Variants in SRCIN1 observed in about 807,000 individuals in gnomAD.
The protein encoded by SRCIN1 is P130Cas-associated protein.
SRCIN1 carries 50 observed loss-of-function variants against 116.2 expected under a neutral mutation model. That is an observed-to-expected ratio of 0.43 (90% confidence interval 0.34 to 0.54). SRCIN1 has a LOEUF of 0.54. SRCIN1 is among the 20% of genes least tolerant of loss of function. The pLI is 0.02. For synonymous variants in SRCIN1, 736 were observed against 750.0 expected, an observed-to-expected ratio of 0.98 and a Z score of 0.30; for missense variants, 1,446 against 1,672.0, an observed-to-expected ratio of 0.86 and a Z score of 2.36.
At position 38,544,118 on chromosome 17, in the gene SRCIN1, TC is replaced by T; in HGVS notation, c.3271-150del. ...ACCCCTCTCTAGCTCCACACCCGAG[TC>T]CAGAACCCAGGTCCACCCTCTCAGT... is the stretch of plus-strand genomic sequence containing the variant. On this transcript the variant is annotated intron_variant, in intron 17 of 18. Transcript: ENST00000617146. The surrounding 1 kb of genome is among the most constrained non-coding windows in gnomAD (Gnocchi z 4.5). 1.0e-6 allele frequency: 1 copy of T among 980,120 alleles called. No homozygotes were observed. Among genetic ancestry groups the T allele is most frequent in the Non-Finnish European group, 1.5e-6 (1 of 688,532 alleles). The allele number at this position is 980,120 out of a possible 1,614,324, so 60.7% of individuals were successfully genotyped here. A position where few individuals can be genotyped will look rare whatever the true frequency, so the allele number is the denominator to read the frequency against.
chr17:38,605,556 C>A, intron 1 of SRCIN1, 128 bp downstream of exon 1: 1 of 608,570 alleles, frequency 1.6e-6, no homozygotes, highest in Non-Finnish European at 2.5e-6. Flanking sequence ...CTCGCCCCGC[C>A]GGCCACCGCC....
At chr17:38,601,997 G>C (rs1402327708) in intron 1 of SRCIN1, among the ~76,000 whole-genome samples, 1 of 152,110 alleles carries the variant, frequency 6.6e-6, no homozygotes. Context: ...ATGGGAAGAC[G>C]GAAAGGCACA....
chr17:38,568,358 A>G lies in SRCIN1; in HGVS notation c.325-127T>C, dbSNP rs1906855338. 2 of 879,156 alleles carry G rather than the reference A, an allele frequency of 2.3e-6. No homozygotes were observed. Among genetic ancestry groups the G allele is most frequent in the Non-Finnish European group, 3.7e-6 (2 of 539,434 alleles). The allele number at this position is 879,156 out of a possible 1,614,324, so 54.5% of individuals were successfully genotyped here. A position where few individuals can be genotyped will look rare whatever the true frequency, so the allele number is the denominator to read the frequency against. ...TAGGACAAGGGCCCTCCACCCTCCC[A>G]GGAGCAGGAATGAAGTCATGCCTGG... On this transcript the variant is annotated intron_variant, in intron 2 of 18. Transcript: ENST00000617146. The surrounding 1 kb of genome is among the most constrained non-coding windows in gnomAD (Gnocchi z 4.5).
intron 1 of SRCIN1, among the ~76,000 whole-genome samples, chr17:38,596,344 C>T (rs957163167): frequency 6.6e-6 from 1 of 152,082 alleles, no homozygotes; most frequent in Non-Finnish European, 1.5e-5. Flanking sequence ...CCAGGGCAGA[C>T]AGGATAGAGA....
intron 1 of SRCIN1, among the ~76,000 whole-genome samples, chr17:38,579,013 G>A (rs1441757681): frequency 1.3e-5 from 2 of 152,214 alleles, no homozygotes; most frequent in Non-Finnish European, 2.9e-5. Context: ...GAGGGGTGAG[G>A]AACAAGGGCT....
rs1181784221 is a variant in SRCIN1 at position 38,551,257 on chromosome 17, C to T, written c.2860G>A (p.Ala954Thr). 2.5e-6 allele frequency: 4 copies of T among 1,613,192 alleles called. No homozygotes were observed. Among genetic ancestry groups the T allele is most frequent in the South Asian group, 2.2e-5 (2 of 91,068 alleles). Residue 954 changes from alanine to threonine, a missense_variant, in exon 15 of 19, where the codon GCC becomes ACC. By Grantham distance (58) the Ala-to-Thr change is moderately conservative. Transcript: ENST00000617146. ...GGAGTGGGGGCCGGGCCTGGATGGGCCTTGCTGGCACAGTCCAGGTCAGGG... is the reference window on the plus strand; with the variant it reads ...GGAGTGGGGGCCGGGCCTGGATGGGTCTTGCTGGCACAGTCCAGGTCAGGG... ...AIPDLDCASKAHPGPAPTPDH... is the reference protein window; with the variant it reads ...AIPDLDCASKTHPGPAPTPDH...
At chr17:38,542,741 G>T in intron 18 of SRCIN1, 1 of 211,306 alleles carries the variant, frequency 4.7e-6, no homozygotes, top group Admixed American at 4.9e-5. Context: ...CCTAGGTCCC[G>T]ATCCTGGCTG....
chr17:38,574,822 C>A, intron 2 of SRCIN1: 1 of 400,552 alleles, frequency 2.5e-6, no homozygotes, highest in Non-Finnish European at 4.4e-6. Flanking sequence ...AAATCCTCCC[C>A]AAAGCCAAAC....
At chr17:38,570,872 T>C (rs1425453810) in intron 2 of SRCIN1, among the ~76,000 whole-genome samples, 1 of 152,238 alleles carries the variant, frequency 6.6e-6, no homozygotes, top group African/African-American at 2.4e-5. Flanking sequence ...GAAGAGGGGC[T>C]GCGCTTGTGC....
At chr17:38,576,602 G>A (rs996746626) in intron 2 of SRCIN1, among the ~76,000 whole-genome samples, 1 of 152,014 alleles carries the variant, frequency 6.6e-6, no homozygotes, top group Non-Finnish European at 1.5e-5. Context: ...CCTGAGTGGT[G>A]CATATGGTGC....
Position 38,604,501 on chromosome 17 carries a change from G to C in SRCIN1, c.22+1183C>G. ...CACCTGGCTCCCCTCGGCCCCCAGG[G>C]TCCCTCGGTCCAGCCTCCTCCCTGG... On this transcript the variant is annotated intron_variant, in intron 1 of 18. Transcript: ENST00000617146. The surrounding 1 kb of genome is among the most constrained non-coding windows in gnomAD (Gnocchi z 4.3). 1 of 454,416 alleles carries C rather than the reference G, an allele frequency of 2.2e-6. No individual in the cohort carries two copies. Among genetic ancestry groups the C allele is most frequent in the Non-Finnish European group, 4.4e-6 (1 of 226,054 alleles). The allele number at this position is 454,416 out of a possible 1,614,324, so 28.1% of individuals were successfully genotyped here.
chr17:38,543,668 C>T (rs1904888985), intron 18 of SRCIN1, among the ~76,000 whole-genome samples, 155 bp downstream of exon 18: 1 of 151,086 alleles, frequency 6.6e-6, no homozygotes, highest in East Asian at 1.9e-4. Context: ...GAAGACGGTT[C>T]AGGGGGTGGG....
intron 1 of SRCIN1, among the ~76,000 whole-genome samples, chr17:38,593,854 G>A (rs1454048046): frequency 6.6e-6 from 1 of 152,066 alleles, no homozygotes; most frequent in African/African-American, 2.4e-5. Context: ...GCCTCCTCCC[G>A]ACTCCCACCC....
At chr17:38,566,009 T>A (rs1906658482) in intron 3 of SRCIN1, among the ~76,000 whole-genome samples, 1 of 152,088 alleles carries the variant, frequency 6.6e-6, no homozygotes, top group Non-Finnish European at 1.5e-5. Context: ...GGGAGCTCTG[T>A]GGCAGTGTGG....
In SRCIN1 at chr17:38,568,307, G is replaced by A. The variant is rs1906853651; in HGVS notation, c.325-76C>T. On this transcript the variant is annotated intron_variant, in intron 2 of 18. Transcript: ENST00000617146. This position sits in a 1 kb window ranked among gnomAD's most constrained non-coding sequence, Gnocchi z 4.5. ...AAAAGAGGGGCAGGGGCAGGTTAGAGACCCTTGGAACTCAGCACTCAGCCC... is the reference window on the plus strand; with the variant it reads ...AAAAGAGGGGCAGGGGCAGGTTAGAAACCCTTGGAACTCAGCACTCAGCCC... 6.7e-7 allele frequency: 1 copy of A among 1,494,082 alleles called. No homozygotes were observed. The highest frequency in any genetic ancestry group is 9.2e-7 in the Non-Finnish European group (1 of 1,083,944). The allele number at this position is 1,494,082 out of a possible 1,614,324, so 92.6% of individuals were successfully genotyped here.
At chr17:38,539,355 G>T (rs1904586891) in intron 18 of SRCIN1, among the ~76,000 whole-genome samples, 1 of 152,132 alleles carries the variant, frequency 6.6e-6, no homozygotes, top group African/African-American at 2.4e-5. Flanking sequence ...CTCCCAAAGT[G>T]GGGATTACAG....
rs371331526 is a variant in SRCIN1, at chr17:38,559,677, C to T, written c.1933G>A (p.Val645Ile). 23 of 1,598,164 alleles carry T rather than the reference C, an allele frequency of 1.4e-5. No homozygotes were observed. Among genetic ancestry groups the T allele is most frequent in the Non-Finnish European group, 1.9e-5 (22 of 1,177,736 alleles). The part of the protein sequence containing the change: ...SSTPAGQPTA[V>I]SRLQMQLHLR... ...TGAAGCTGCATCTGCAGCCGGCTAA[C>T]GGCGGTAGGCTGACCTGCGGGGGTG... is the stretch of plus-strand genomic sequence containing the variant. The change falls in exon 10 of 19, where the codon GTT (valine) becomes ATT (isoleucine). Residue 645 changes from valine (V) to isoleucine (I), a missense_variant. Val to Ile is a conservative substitution (Grantham distance 29). Around this residue, in one of 5 missense-constraint regions of SRCIN1, gnomAD observed 398 missense variants for 385.6 expected, o/e 1.03. Coordinates refer to ENST00000617146, the MANE Select transcript of SRCIN1 (RefSeq NM_025248.3).
intron 2 of SRCIN1, among the ~76,000 whole-genome samples, chr17:38,576,404 G>A (rs1264700180): frequency 7.2e-5 from 11 of 151,938 alleles, no homozygotes; most frequent in Non-Finnish European, 1.5e-5. Context: ...CCTTGTCCAG[G>A]GGCCTTTTTT....
intron 1 of SRCIN1, 92 bp downstream of exon 1, chr17:38,605,573 GCCCGGCCGCCGCCCCCGCC>G: frequency 2.4e-6 from 2 of 833,770 alleles, no homozygotes; most frequent in East Asian, 5.0e-5. Context: ...CGCCTCCCCG[GCCCGGCCGCCGCCCCCGCC>G]CCCGGCCGAG....
Sources: gnomAD v4.1 joint callset for allele counts (sites outside exome capture counted in the v4.1 genomes callset) on GRCh38, gnomAD v4.1.1 for gene constraint, gnomAD v4.1.1 regional missense constraint, Gnocchi (gnomAD v3.1) non-coding constraint, MANE v1.5 for transcripts, NCBI Gene and HGNC (gene_info 2026-07-23, HGNC 2026-07-21) for gene names.